Variants in SGCZ observed in about 807,000 individuals in gnomAD.
The protein encoded by SGCZ is zeta-sarcoglycan.
In SGCZ, 40 loss-of-function variants were observed where a neutral mutation model predicts 41.3. The ratio of observed to expected loss-of-function variants is 0.97; its 90% CI spans 0.75 to 1.26. SGCZ has a LOEUF of 1.26. Among genes scored for constraint, SGCZ ranks in the 50% most tolerant of loss-of-function variants. The probability of loss-of-function intolerance (pLI) is 0.00; values close to 1 mark genes in which losing one functional copy is unlikely to be tolerated. For synonymous variants in SGCZ, 206 were observed against 137.5 expected, an observed-to-expected ratio of 1.50 and a Z score of -3.49; for missense variants, 552 against 369.8, an observed-to-expected ratio of 1.49 and a Z score of -4.04.
chr8:15,045,694 T>C (rs117296848), intron 1 of SGCZ, among the ~76,000 whole-genome samples: 20 of 152,244 alleles, frequency 1.3e-4, no homozygotes, highest in Middle Eastern at 3.4e-3. Context: ...CGTGTTCTGC[T>C]ACACTGACAA....
chr8:14,454,971 A>T (rs1175957633), intron 2 of SGCZ, among the ~76,000 whole-genome samples: 2 of 152,182 alleles, frequency 1.3e-5, no homozygotes, highest in African/African-American at 4.8e-5. Flanking sequence ...GGTGTAGGAA[A>T]AGTATTCCTA....
chr8:14,479,731 C>CTTTTTT (rs529812029), intron 2 of SGCZ, among the ~76,000 whole-genome samples: 1,180 of 52,780 alleles, frequency 0.022, 169 homozygotes, highest in East Asian at 0.095. Flanking sequence ...AATTCTACTT[C>CTTTTTT]TTTTTTTTTT....
At chr8:14,222,874 T>G (rs1806249843) in intron 4 of SGCZ, among the ~76,000 whole-genome samples, 1 of 138,308 alleles carries the variant, frequency 7.2e-6, no homozygotes, top group African/African-American at 2.7e-5. Flanking sequence ...GTGCAGTGGG[T>G]GATCTCCATT....
chr8:14,996,928 C>T (rs1802239147), intron 1 of SGCZ, among the ~76,000 whole-genome samples: 2 of 152,166 alleles, frequency 1.3e-5, no homozygotes, highest in South Asian at 2.1e-4. Flanking sequence ...CCTAGTTATT[C>T]GTGGGTTAAT....
At chr8:15,080,372 C>T (rs919524650) in intron 1 of SGCZ, among the ~76,000 whole-genome samples, 1 of 152,048 alleles carries the variant, frequency 6.6e-6, no homozygotes, top group Non-Finnish European at 1.5e-5. Context: ...CAAAGGAAGT[C>T]CACGGAAGTT....
chr8:14,824,384 C>A (rs75340311), intron 1 of SGCZ, among the ~76,000 whole-genome samples: 1 of 151,950 alleles, frequency 6.6e-6, no homozygotes, highest in Non-Finnish European at 1.5e-5. Flanking sequence ...TTATAGTGTG[C>A]CACTTTAATA....
intron 1 of SGCZ, among the ~76,000 whole-genome samples, chr8:14,670,431 TCA>T (rs1808066312): frequency 6.6e-6 from 1 of 152,320 alleles, no homozygotes; most frequent in South Asian, 2.1e-4. Context: ...TTGGTATGTT[TCA>T]AGGTGCCTGG....
intron 4 of SGCZ, among the ~76,000 whole-genome samples, chr8:14,215,667 A>G (rs1424963361): frequency 6.6e-6 from 1 of 152,114 alleles, no homozygotes; most frequent in Non-Finnish European, 1.5e-5. Context: ...CCATATCACT[A>G]TAGATAGTTT....
At chr8:15,121,280 C>T (rs1377799155) in intron 1 of SGCZ, among the ~76,000 whole-genome samples, 1 of 152,202 alleles carries the variant, frequency 6.6e-6, no homozygotes, top group Non-Finnish European at 1.5e-5. Flanking sequence ...TCTGCTATTC[C>T]TCCAAGCTCT....
intron 3 of SGCZ, among the ~76,000 whole-genome samples, chr8:14,283,891 A>G (rs1012946927): frequency 6.6e-6 from 1 of 152,132 alleles, no homozygotes; most frequent in African/African-American, 2.4e-5. Context: ...ATTTCAATTG[A>G]CCTAAGAAAC....
At chr8:14,174,196 T>C (rs894402520) in intron 4 of SGCZ, among the ~76,000 whole-genome samples, 2 of 152,028 alleles carry the variant, frequency 1.3e-5, no homozygotes, top group South Asian at 2.1e-4. Flanking sequence ...AAGAACAAAA[T>C]TGAAACACTT....
intron 1 of SGCZ, among the ~76,000 whole-genome samples, chr8:15,014,077 C>G (rs1026711062): frequency 1.3e-4 from 20 of 152,292 alleles, no homozygotes; most frequent in Admixed American, 1.3e-3. Flanking sequence ...TTTGTTTGCT[C>G]AAACATCTCC....
intron 1 of SGCZ, among the ~76,000 whole-genome samples, chr8:14,697,264 T>G (rs6999260): frequency 6.6e-6 from 1 of 151,850 alleles, no homozygotes; most frequent in Non-Finnish European, 1.5e-5. Context: ...CTTTACTACA[T>G]GCCAGAAATG....
intron 1 of SGCZ, among the ~76,000 whole-genome samples, chr8:15,081,178 A>T (rs562446497): frequency 6.6e-6 from 1 of 152,190 alleles, no homozygotes; most frequent in African/African-American, 2.4e-5. Flanking sequence ...AAGACACTAA[A>T]TTTTTTTAGG....
chr8:14,440,852 TAC>T (rs761003537), intron 2 of SGCZ, among the ~76,000 whole-genome samples: 8,741 of 130,202 alleles, frequency 0.067, 1,126 homozygotes, highest in African/African-American at 0.23. Flanking sequence ...TACATATATG[TAC>T]ACACACACAC....
chr8:15,023,033 CT>C (rs1803316209), intron 1 of SGCZ, among the ~76,000 whole-genome samples: 1 of 152,114 alleles, frequency 6.6e-6, no homozygotes, highest in Non-Finnish European at 1.5e-5. Flanking sequence ...ATCCTTTTGT[CT>C]GATTAGTCAG....
intron 2 of SGCZ, among the ~76,000 whole-genome samples, chr8:14,526,974 C>G (rs1299568758): frequency 6.6e-6 from 1 of 152,038 alleles, no homozygotes; most frequent in Non-Finnish European, 1.5e-5. Context: ...CCGACTTGTA[C>G]CAATTAATAT....
intron 1 of SGCZ, among the ~76,000 whole-genome samples, chr8:14,916,752 C>G: frequency 6.6e-6 from 1 of 152,086 alleles, no homozygotes. Context: ...TATTGTGTAA[C>G]TAGTCCCACA....
At chr8:14,267,413 G>A (rs1216419347) in intron 3 of SGCZ, among the ~76,000 whole-genome samples, 1 of 152,022 alleles carries the variant, frequency 6.6e-6, no homozygotes, top group Non-Finnish European at 1.5e-5. Context: ...GCTGTGTATT[G>A]TAAGATGTGG....
Sources: gnomAD v4.1 joint callset for allele counts (sites outside exome capture counted in the v4.1 genomes callset) on GRCh38, gnomAD v4.1.1 for gene constraint, MANE v1.5 for transcripts, NCBI Gene and HGNC (gene_info 2026-07-23, HGNC 2026-07-21) for gene names.